AGBL4: variants seen among roughly 807,000 people sequenced by gnomAD.
The protein encoded by AGBL4 is AGBL carboxypeptidase 4.
Under a neutral mutation model 66.4 loss-of-function variants are expected in AGBL4, and 58 were observed. The observed-to-expected ratio is 0.87, with a 90% CI of 0.71 to 1.09. The LOEUF (loss-of-function observed/expected upper bound fraction) is 1.09. Ranked by LOEUF, AGBL4 falls within the 50% of genes least tolerant of loss-of-function variation. AGBL4 has a pLI of 0.00. For missense variants in AGBL4, 579 were observed against 631.0 expected (o/e 0.92, Z 0.88); for synonymous variants, 234 against 222.9 (o/e 1.05, Z -0.44).
In AGBL4 at chr1:49,959,065, GT is replaced by G. The variant is rs775027457; in HGVS notation, c.34+64697del. Among the ~76,000 whole-genome samples, 181 of 151,646 alleles carry G rather than the reference GT, an allele frequency of 1.2e-3. 2 individuals carry two copies. The highest frequency in any genetic ancestry group is 1.9e-3 in the Non-Finnish European group (131 of 67,884). ...TTCTACCTTTGACTAGGCCTGACTAGTTATTGGGTATCAAGAGAGAGGCAAG... is the reference window on the plus strand; with the variant it reads ...TTCTACCTTTGACTAGGCCTGACTAGTATTGGGTATCAAGAGAGAGGCAAG... On this transcript the variant is annotated intron_variant, in intron 1 of 13. Transcript: ENST00000371839.
intron 4 of AGBL4, among the ~76,000 whole-genome samples, chr1:49,172,468 T>G (rs1166716387): frequency 6.6e-6 from 1 of 152,046 alleles, no homozygotes; most frequent in African/African-American, 2.4e-5. Context: ...TATGAACCAG[T>G]AGGAAGAGAG....
chr1:48,771,208 T>C (rs1009293881), intron 6 of AGBL4, among the ~76,000 whole-genome samples: 1 of 152,194 alleles, frequency 6.6e-6, no homozygotes, highest in African/African-American at 2.4e-5. Context: ...AGATTACGAA[T>C]GTTCTTCTGG....
intron 2 of AGBL4, among the ~76,000 whole-genome samples, chr1:49,848,727 G>T (rs146073927): frequency 1.3e-5 from 2 of 152,088 alleles, no homozygotes; most frequent in South Asian, 4.1e-4. Flanking sequence ...TTTGGGTAAT[G>T]GTTACACTAA....
intron 5 of AGBL4, among the ~76,000 whole-genome samples, chr1:48,910,235 T>A (rs549435045): frequency 7.9e-5 from 12 of 152,334 alleles, no homozygotes; most frequent in African/African-American, 2.9e-4. Flanking sequence ...GGTAAGTAGG[T>A]GCTCAGTGAA....
At chr1:49,356,865 C>G (rs1431881606) in intron 3 of AGBL4, among the ~76,000 whole-genome samples, 6 of 152,170 alleles carry the variant, frequency 3.9e-5, no homozygotes, top group Non-Finnish European at 7.3e-5. Flanking sequence ...CACTTCCTAA[C>G]CAAGAGCTTT....
At chr1:49,952,022 T>C (rs187631258) in intron 1 of AGBL4, among the ~76,000 whole-genome samples, 26 of 151,982 alleles carry the variant, frequency 1.7e-4, no homozygotes, top group Admixed American at 1.4e-3. Flanking sequence ...TGGGGAGTTA[T>C]TGTTTAATGG....
intron 5 of AGBL4, among the ~76,000 whole-genome samples, chr1:48,999,868 C>A (rs1308787969): frequency 6.6e-6 from 1 of 152,138 alleles, no homozygotes; most frequent in Non-Finnish European, 1.5e-5. Context: ...TGGAATGCCA[C>A]CTTCCAGCAT....
At chr1:49,368,143 T>C (rs530667616) in intron 3 of AGBL4, among the ~76,000 whole-genome samples, 2 of 152,304 alleles carry the variant, frequency 1.3e-5, no homozygotes, top group East Asian at 3.9e-4. Flanking sequence ...ATATGCTGCA[T>C]TTTGTTTACT....
chr1:48,572,288 G>A (rs555877434), intron 11 of AGBL4, among the ~76,000 whole-genome samples: 1 of 152,254 alleles, frequency 6.6e-6, no homozygotes, highest in South Asian at 2.1e-4. Flanking sequence ...CATCGAAGTG[G>A]AGAATACTTA....
chr1:49,561,576 T>C (rs138872489), intron 3 of AGBL4, among the ~76,000 whole-genome samples: 4,561 of 152,020 alleles, frequency 0.03, 126 homozygotes, highest in Non-Finnish European at 0.047. Context: ...TTTGTCCTTG[T>C]GATAGTTTGC....
At chr1:49,059,133 C>G (rs1325532506) in intron 4 of AGBL4, among the ~76,000 whole-genome samples, 2 of 152,284 alleles carry the variant, frequency 1.3e-5, no homozygotes, top group Non-Finnish European at 1.5e-5. Context: ...GAGACCTTCA[C>G]AGCAGCCCCT....
At chr1:48,864,594 G>A (rs1410642792) in intron 6 of AGBL4, among the ~76,000 whole-genome samples, 1 of 152,118 alleles carries the variant, frequency 6.6e-6, no homozygotes, top group East Asian at 1.9e-4. Flanking sequence ...AATAAATGAA[G>A]CAGAGCTATG....
intron 3 of AGBL4, among the ~76,000 whole-genome samples, chr1:49,641,564 G>A (rs754435738): frequency 2.0e-5 from 3 of 152,004 alleles, no homozygotes; most frequent in Non-Finnish European, 4.4e-5. Context: ...TATCTTAGAG[G>A]CATTTATTAT....
intron 2 of AGBL4, among the ~76,000 whole-genome samples, chr1:49,757,387 A>G (rs1355500558): frequency 6.6e-6 from 1 of 152,230 alleles, no homozygotes; most frequent in Non-Finnish European, 1.5e-5. Context: ...TGAAATGTGC[A>G]TGTGACTTTA....
chr1:49,558,199 C>A (rs1229332021), intron 3 of AGBL4, among the ~76,000 whole-genome samples: 1 of 151,978 alleles, frequency 6.6e-6, no homozygotes. Flanking sequence ...AGCACATTAC[C>A]ACCTGTGGTA....
At chr1:49,675,827 T>A (rs991929121) in intron 3 of AGBL4, among the ~76,000 whole-genome samples, 2 of 152,082 alleles carry the variant, frequency 1.3e-5, no homozygotes, top group Non-Finnish European at 2.9e-5. Context: ...CAGATGAGAA[T>A]CACTAATTTT....
intron 5 of AGBL4, among the ~76,000 whole-genome samples, chr1:48,911,087 ATCAAGCTCATTCATCTT>A (rs1317138177): frequency 6.6e-6 from 1 of 152,196 alleles, no homozygotes; most frequent in African/African-American, 2.4e-5. Flanking sequence ...TTCTGATCCC[ATCAAGCTCATTCATCTT>A]TCATTTGAAC....
In AGBL4 at chr1:49,024,085, T is replaced by G. The variant is rs571126995; in HGVS notation, c.594+21499A>C. On this transcript the variant is annotated intron_variant, in intron 5 of 13. Coordinates refer to ENST00000371839, the MANE Select transcript of AGBL4 (RefSeq NM_032785.4). ...CAAGAAGATGAAGAAAAGTTAATGC[T>G]TAGATAATTAATTTTGATAAGTTGA... 7.2e-5 allele frequency among the ~76,000 whole-genome samples: 11 copies of G among 152,242 alleles called. No individual in the cohort carries two copies. In the East Asian group the frequency reaches 2.1e-3, roughly 29 times the overall value.
At chr1:48,882,590 A>C (rs1215304462) in intron 5 of AGBL4, among the ~76,000 whole-genome samples, 1 of 152,162 alleles carries the variant, frequency 6.6e-6, no homozygotes, top group East Asian at 1.9e-4. Context: ...GACAGATATG[A>C]TAAACTAAGC....
Sources: allele counts gnomAD v4.1 joint callset (sites outside exome capture counted in the v4.1 genomes callset), GRCh38; gene constraint gnomAD v4.1.1; transcripts MANE v1.5; gene names NCBI Gene and HGNC (gene_info 2026-07-23, HGNC 2026-07-21).